Variants in ZBTB37 observed in about 807,000 individuals in gnomAD.
ZBTB37 encodes the protein zinc finger and BTB domain-containing protein 37.
In ZBTB37, 15 loss-of-function variants were observed where a neutral mutation model predicts 37.7. The observed-to-expected ratio is 0.40, with a 90% CI of 0.27 to 0.61. The LOEUF (loss-of-function observed/expected upper bound fraction) is 0.61, where lower values mean the gene tolerates loss of function less well. Among genes scored for constraint, ZBTB37 ranks in the 20% least tolerant of loss-of-function variants. The pLI is 0.44. For missense variants in ZBTB37, 514 were observed against 641.9 expected (o/e 0.80, Z 2.15); for synonymous variants, 231 against 220.6 (o/e 1.05, Z -0.42).
downstream of ZBTB37, chr1:173,890,667 C>T (rs926723595): frequency 6.6e-6 from 1 of 152,162 alleles, no homozygotes; most frequent in Non-Finnish European, 1.5e-5. Context: ...AAAATATACC[C>T]TTAGGACTTA....
intron 3 of ZBTB37, 74 bp downstream of exon 3, chr1:173,871,222 C>T: frequency 7.3e-7 from 1 of 1,363,970 alleles, no homozygotes; most frequent in Admixed American, 2.7e-5. Context: ...CTCTGTAGTA[C>T]AGAGAGCATT....
exon 4 of ZBTB37, chr1:173,902,056 A>G (rs1657281105): frequency 6.6e-6 from 1 of 152,194 alleles, no homozygotes; most frequent in South Asian, 2.1e-4. Flanking sequence ...AGCCCATCAC[A>G]TCTTTGTATA....
In ZBTB37 at chr1:173,879,669, C is replaced by T. The variant is rs981700447; in HGVS notation, c.1024-5967C>T. ...ACACGGAGAAGTAGTTTGCAACTATCGGCTGGGCGAGGTGGCTCACACTTG... is the reference window on the plus strand; with the variant it reads ...ACACGGAGAAGTAGTTTGCAACTATTGGCTGGGCGAGGTGGCTCACACTTG... On this transcript the variant is annotated intron_variant, in intron 4 of 4. Coordinates refer to ENST00000427304, the Ensembl canonical transcript of ZBTB37. 3.9e-5 allele frequency among the ~76,000 whole-genome samples: 6 copies of T among 152,202 alleles called. No individual in the cohort carries two copies. The South Asian group carries it at 1.0e-3, about 26-fold the overall frequency.
chr1:173,877,073 G>A (rs1225699686), intron 4 of ZBTB37, among the ~76,000 whole-genome samples: 2 of 152,118 alleles, frequency 1.3e-5, no homozygotes, highest in Non-Finnish European at 2.9e-5. Context: ...AAATATTTGT[G>A]TATCTAAACA....
At chr1:173,885,798 A>G in exon 5 of ZBTB37, 1 of 1,551,714 alleles carries the variant, frequency 6.4e-7, no homozygotes, top group Non-Finnish European at 8.7e-7. Flanking sequence ...GCGCCTACAC[A>G]TGGGGATCAC....
rs146730427 is a variant in ZBTB37, at chr1:173,870,911, G to A, written c.686G>A (p.Arg229His). Residue 229 changes from arginine (R) to histidine (H), a missense_variant, in exon 3 of 5, where the codon CGT (arginine) becomes CAT (histidine). By Grantham distance (29) the Arg-to-His change is conservative. Coordinates refer to ENST00000427304, the Ensembl canonical transcript of ZBTB37. ...TATGTGGAGACAGGAGTGGCGGACC[G>A]TGGGGGTCGGAGTGATGATGAAGTT... 3.4e-5 allele frequency: 55 copies of A among 1,614,240 alleles called. No individual in the cohort carries two copies. The Admixed American group carries it at 4.3e-4, about 13-fold the overall frequency.
intron 3 of ZBTB37, among the ~76,000 whole-genome samples, chr1:173,872,308 C>T (rs918862422): frequency 2.0e-5 from 3 of 152,184 alleles, no homozygotes; most frequent in East Asian, 1.9e-4. Context: ...CTCCTGACCT[C>T]GTGACCCACC....
intron 4 of ZBTB37, among the ~76,000 whole-genome samples, chr1:173,882,332 C>T (rs1255162471): frequency 6.7e-6 from 1 of 148,788 alleles, no homozygotes; most frequent in Non-Finnish European, 1.5e-5. Flanking sequence ...AGCTCTGCCT[C>T]CCAGGTTCAC....
intron 4 of ZBTB37, among the ~76,000 whole-genome samples, chr1:173,879,276 C>G (rs1224695274): frequency 2.0e-5 from 3 of 152,076 alleles, no homozygotes; most frequent in African/African-American, 7.2e-5. Context: ...ATGGTCTTGA[C>G]TCAGGAGATT....
chr1:173,876,717 T>C (rs747935464), intron 4 of ZBTB37, among the ~76,000 whole-genome samples: 2 of 152,182 alleles, frequency 1.3e-5, no homozygotes, highest in African/African-American at 4.8e-5. Context: ...AGAGAAAATA[T>C]TAGGAGCTTG....
chr1:173,886,376 G>GGTTTCTTATAAA, exon 5 of ZBTB37: 1 of 529,878 alleles, frequency 1.9e-6, no homozygotes, highest in South Asian at 2.9e-5. Flanking sequence ...CAACAGCCTT[G>GGTTTCTTATAAA]GTTTGTTAAC....
At chr1:173,871,839 T>A (rs1218853192) in intron 3 of ZBTB37, among the ~76,000 whole-genome samples, 2 of 152,172 alleles carry the variant, frequency 1.3e-5, no homozygotes, top group African/African-American at 4.8e-5. Context: ...GACATTTCTT[T>A]TTGGTGGAAA....
At chr1:173,871,446 C>A (rs1008342781) in intron 3 of ZBTB37, among the ~76,000 whole-genome samples, 13 of 152,184 alleles carry the variant, frequency 8.5e-5, no homozygotes, top group African/African-American at 2.7e-4. Flanking sequence ...AGGGCTTCCT[C>A]GGGATTCGAG....
In ZBTB37 at chr1:173,871,012, G is replaced by C. The variant is rs1169765598; in HGVS notation, c.787G>C (p.Glu263Gln). Residue 263 changes from glutamate to glutamine, a missense_variant, in exon 3 of 5, where the codon GAA (glutamate) becomes CAA (glutamine). Around this residue, in one of 3 missense-constraint regions of ZBTB37, gnomAD observed 323 missense variants for 321.9 expected, o/e 1.00. Coordinates refer to ENST00000427304, the Ensembl canonical transcript of ZBTB37. The stretch of plus-strand genomic sequence containing the variant: ...TGGGCCTGAGAATCAGCCTTCTGGA[G>C]AAGATGGGAGTAGTGCAGAGGAAGT... 2 of 1,614,130 alleles carry C rather than the reference G, an allele frequency of 1.2e-6. No individual in the cohort carries two copies. The highest frequency in any genetic ancestry group is 2.2e-5 in the East Asian group (1 of 44,902).
At chr1:173,901,016 G>A (rs542278206) in exon 4 of ZBTB37, 1 of 152,264 alleles carries the variant, frequency 6.6e-6, no homozygotes, top group African/African-American at 2.4e-5. Context: ...AGATAAATAC[G>A]TAAACTTGTA....
intron 4 of ZBTB37, among the ~76,000 whole-genome samples, chr1:173,874,365 C>G (rs901241573): frequency 6.8e-6 from 1 of 147,296 alleles, no homozygotes; most frequent in African/African-American, 2.5e-5. Context: ...GACGGAGTCT[C>G]GAGTCTCACC....
At chr1:173,874,333 A>G (rs1351391965) in intron 4 of ZBTB37, among the ~76,000 whole-genome samples, 2 of 151,218 alleles carry the variant, frequency 1.3e-5, no homozygotes, top group Non-Finnish European at 2.9e-5. Flanking sequence ...ATCTATAGAA[A>G]ACATCTTTTT....
intron 4 of ZBTB37, among the ~76,000 whole-genome samples, chr1:173,879,518 C>T (rs901798296): frequency 5.3e-5 from 8 of 152,094 alleles, no homozygotes; most frequent in Non-Finnish European, 1.0e-4. Context: ...TTCAAGATCC[C>T]CACTTTTAAG....
At chr1:173,891,683 C>T (rs1340837272) in exon 4 of ZBTB37, 3 of 152,104 alleles carry the variant, frequency 2.0e-5, no homozygotes, top group African/African-American at 7.2e-5. Context: ...ATCCCAGCTA[C>T]TTGGGAGACT....
Sources: gnomAD v4.1 joint callset for allele counts (sites outside exome capture counted in the v4.1 genomes callset) on GRCh38, gnomAD v4.1.1 for gene constraint, gnomAD v4.1.1 regional missense constraint, MANE v1.5 for transcripts, NCBI Gene and HGNC (gene_info 2026-07-23, HGNC 2026-07-21) for gene names.